Variants in CACNA1B observed in about 807,000 individuals in gnomAD.
The protein encoded by CACNA1B is calcium voltage-gated channel subunit alpha1 B, also known as voltage-dependent N-type calcium channel subunit alpha-1B.
CACNA1B carries 70 observed loss-of-function variants against 247.2 expected under a neutral mutation model. The observed-to-expected ratio is 0.28, with a 90% CI of 0.23 to 0.35. The LOEUF is 0.35. CACNA1B is among the 10% of genes least tolerant of loss of function. CACNA1B has a pLI of 1.00. For synonymous variants in CACNA1B, 1,231 were observed against 1,294.4 expected, an observed-to-expected ratio of 0.95 and a Z score of 1.05; for missense variants, 2,367 against 3,197.4, an observed-to-expected ratio of 0.74 and a Z score of 6.26.
chr9:138,106,642 G>A (rs1391799826), intron 39 of CACNA1B, among the ~76,000 whole-genome samples: 2 of 152,128 alleles, frequency 1.3e-5, no homozygotes, highest in Admixed American at 6.5e-5. Context: ...GTGGTGGCAC[G>A]TGCCTGTATT....
chr9:138,025,706 TG>T (rs1958912699), intron 20 of CACNA1B, among the ~76,000 whole-genome samples: 1 of 152,210 alleles, frequency 6.6e-6, no homozygotes, highest in Non-Finnish European at 1.5e-5. Context: ...CTCACTCACA[TG>T]CTCGGAACAG....
chr9:138,092,417 CT>C (rs1960909046), intron 36 of CACNA1B, among the ~76,000 whole-genome samples: 1 of 152,230 alleles, frequency 6.6e-6, no homozygotes, highest in African/African-American at 2.4e-5. Flanking sequence ...TATTCGCTTT[CT>C]GCAAGAAGAG....
chr9:137,952,447 TG>T lies in CACNA1B; in HGVS notation c.1070+71del, dbSNP rs1334414617. 3.9e-6 allele frequency: 5 copies of T among 1,297,460 alleles called. No homozygotes were observed. The highest frequency in any genetic ancestry group is 5.6e-6 in the Non-Finnish European group (5 of 896,488). 80.4% of individuals were successfully genotyped at this position (1,297,460 alleles called of 1,614,324 possible). A position where few individuals can be genotyped will look rare whatever the true frequency, so the allele number is the denominator to read the frequency against. On this transcript the variant is annotated intron_variant, in intron 7 of 46. Transcript: ENST00000371372. This position sits in a 1 kb window ranked among gnomAD's most constrained non-coding sequence, Gnocchi z 4.8. ...CAGCTGAGGGGTCAACAGGGGCACG[TG>T]TGACACTTGGGGTGGGGGCCTGGCC...
chr9:137,894,563 C>A (rs1424349393), intron 3 of CACNA1B, among the ~76,000 whole-genome samples: 1 of 152,028 alleles, frequency 6.6e-6, no homozygotes, highest in Non-Finnish European at 1.5e-5. Context: ...CGCCCGCCAC[C>A]ACGCCCGGCT....
rs573528452 is a variant in CACNA1B at position 138,039,416 on chromosome 9, A to G, written c.3287-4358A>G. On this transcript the variant is annotated intron_variant, in intron 20 of 46. Transcript: ENST00000371372. ...TTTCCTAATTATTTGCTTCTACTGC[A>G]TAGAAATAATAAGCAGTTTCGTCTG... is the stretch of plus-strand genomic sequence containing the variant. 2.2e-3 allele frequency among the ~76,000 whole-genome samples: 339 copies of G among 152,224 alleles called. 1 individual carries two copies. Among genetic ancestry groups the G allele is most frequent in the Non-Finnish European group, 3.7e-3 (249 of 68,020 alleles).
chr9:138,101,515 C>G (rs780652825), intron 37 of CACNA1B, among the ~76,000 whole-genome samples: 1 of 152,226 alleles, frequency 6.6e-6, no homozygotes, highest in Non-Finnish European at 1.5e-5. Context: ...TCCGAGCTCT[C>G]GAGAGTGAGC....
intron 31 of CACNA1B, among the ~76,000 whole-genome samples, chr9:138,062,184 A>G (rs903499621): frequency 2.0e-5 from 3 of 152,104 alleles, no homozygotes; most frequent in African/African-American, 7.2e-5. Flanking sequence ...TGTTATCCTC[A>G]GCACAGGCAA....
chr9:137,880,026 C>T lies in CACNA1B; in HGVS notation c.390+867C>T, dbSNP rs1329924571. Among the ~76,000 whole-genome samples the T allele has an allele frequency of 5.3e-5, 8 of 152,192 alleles. No homozygotes were observed. Among genetic ancestry groups the T allele is most frequent in the African/African-American group, 7.2e-5 (3 of 41,450 alleles). On this transcript the variant is annotated intron_variant, in intron 2 of 46. Coordinates refer to ENST00000371372, the MANE Select transcript of CACNA1B (RefSeq NM_000718.4). This position sits in a 1 kb window ranked among gnomAD's most constrained non-coding sequence, Gnocchi z 4.8. ...TGCGGGGCCAGAGGCGTCCAGGAGA[C>T]GGCCTCTCTGGGGTGTCAGGAGCTG...
chr9:137,898,783 GC>G (rs1957200075), intron 3 of CACNA1B, among the ~76,000 whole-genome samples: 1 of 151,140 alleles, frequency 6.6e-6, no homozygotes, highest in African/African-American at 2.4e-5. Flanking sequence ...CTGGGTTCAC[GC>G]CATTCTCCTG....
chr9:137,936,047 C>A (rs1050259727), intron 6 of CACNA1B, among the ~76,000 whole-genome samples: 1 of 152,160 alleles, frequency 6.6e-6, no homozygotes, highest in East Asian at 1.9e-4. Context: ...TTAGTAGAGA[C>A]GGGGTTTCAC....
chr9:137,919,595 G>A lies in CACNA1B; in HGVS notation c.966+2164G>A, dbSNP rs1957454210. Among the ~76,000 whole-genome samples the A allele has an allele frequency of 6.6e-6, 1 of 152,216 alleles. No homozygotes were observed. The highest frequency in any genetic ancestry group is 1.5e-5 in the Non-Finnish European group (1 of 68,036). ...GATCCTTTGGAGAGAGCGAGAGCCC[G>A]CCCCTCACCTCCAACCCAGTGAGAG... is the stretch of plus-strand genomic sequence containing the variant. On this transcript the variant is annotated intron_variant, in intron 6 of 46. Transcript: ENST00000371372. This position sits in a 1 kb window ranked among gnomAD's most constrained non-coding sequence, Gnocchi z 4.6.
intron 40 of CACNA1B, among the ~76,000 whole-genome samples, chr9:138,113,146 G>C (rs1168952620): frequency 6.7e-6 from 1 of 149,078 alleles, no homozygotes; most frequent in East Asian, 2.0e-4. Flanking sequence ...AGCACGGGGA[G>C]GTGCCCAACT....
chr9:137,988,201 A>C (rs924783359), intron 15 of CACNA1B, among the ~76,000 whole-genome samples: 7 of 152,244 alleles, frequency 4.6e-5, no homozygotes, highest in Non-Finnish European at 1.0e-4. Context: ...GGGAGGTCAC[A>C]GGCCTGGAGC....
chr9:137,938,078 A>G (rs375174431), intron 6 of CACNA1B, among the ~76,000 whole-genome samples: 23 of 152,072 alleles, frequency 1.5e-4, no homozygotes, highest in African/African-American at 5.3e-4. Context: ...CAGAAACACT[A>G]CAAGCTAGAA....
rs1248325248 is a variant in CACNA1B at position 137,882,358 on chromosome 9, C to T, written c.391-386C>T. ...TAAAGGAAAAACTACCTGATAAGCA[C>T]CCACAACTAGTACTGTTACATCACT... On this transcript the variant is annotated intron_variant, in intron 2 of 46. Coordinates refer to ENST00000371372, the MANE Select transcript of CACNA1B (RefSeq NM_000718.4). This position sits in a 1 kb window ranked among gnomAD's most constrained non-coding sequence, Gnocchi z 4.0. 6.6e-6 allele frequency among the ~76,000 whole-genome samples: 1 copy of T among 152,164 alleles called. No homozygotes were observed. Among genetic ancestry groups the T allele is most frequent in the Non-Finnish European group, 1.5e-5 (1 of 68,040 alleles).
In CACNA1B at chr9:137,919,907, G is replaced by A. The variant is rs1279241379; in HGVS notation, c.966+2476G>A. Among the ~76,000 whole-genome samples the A allele has an allele frequency of 6.6e-6, 1 of 152,202 alleles. No homozygotes were observed. The highest frequency in any genetic ancestry group is 1.5e-5 in the Non-Finnish European group (1 of 68,040). ...GTCTGTGCCTGGAAAAGCAGGCGGA[G>A]TCAAATGGAGCTTTGGGAGAACACA... On this transcript the variant is annotated intron_variant, in intron 6 of 46. Coordinates refer to ENST00000371372, the MANE Select transcript of CACNA1B (RefSeq NM_000718.4). The surrounding 1 kb of genome is among the most constrained non-coding windows in gnomAD (Gnocchi z 4.6).
In CACNA1B at chr9:138,052,249, C is replaced by CGTGTGTGAGTGTGT; in HGVS notation, c.3807+68_3807+69insAGTGTGTGTGTGTG. On this transcript the variant is annotated intron_variant, in intron 25 of 46. Coordinates refer to ENST00000371372, the MANE Select transcript of CACNA1B (RefSeq NM_000718.4). The surrounding 1 kb of genome is among the most constrained non-coding windows in gnomAD (Gnocchi z 5.1). ...GTGTGTGTGTGCGTGTGTGTGTGTG[C>CGTGTGTGAGTGTGT]GTGTGTGTGTGTGTATGCATGCAGT... is the stretch of plus-strand genomic sequence containing the variant. The CGTGTGTGAGTGTGT allele has an allele frequency of 1.3e-6, 1 of 779,168 alleles. No individual in the cohort carries two copies. Among genetic ancestry groups the CGTGTGTGAGTGTGT allele is most frequent in the Non-Finnish European group, 2.2e-6 (1 of 464,630 alleles). The allele number at this position is 779,168 out of a possible 1,614,324, so 48.3% of individuals were successfully genotyped here.
rs761640142 is a variant in CACNA1B at position 138,059,412 on chromosome 9, T to C, written c.4584+223T>C. The stretch of plus-strand genomic sequence containing the variant: ...TGGGAGGGAGGCAGGGCTGGGTTCT[T>C]CCTCTTTGGACACATGGCTCTTAGT... On this transcript the variant is annotated intron_variant, in intron 30 of 46. Coordinates refer to ENST00000371372, the MANE Select transcript of CACNA1B (RefSeq NM_000718.4). This position sits in a 1 kb window ranked among gnomAD's most constrained non-coding sequence, Gnocchi z 4.2. Among the ~76,000 whole-genome samples, 43 of 152,102 alleles carry C rather than the reference T, an allele frequency of 2.8e-4. No homozygotes were observed. Among genetic ancestry groups the C allele is most frequent in the Non-Finnish European group, 5.0e-4 (34 of 67,992 alleles).
intron 3 of CACNA1B, among the ~76,000 whole-genome samples, chr9:137,904,454 C>T (rs1957275141): frequency 6.7e-6 from 1 of 149,766 alleles, no homozygotes; most frequent in South Asian, 2.1e-4. Context: ...GCAGCCTCAA[C>T]CTCCTGGGCT....
Sources: allele counts gnomAD v4.1 joint callset (sites outside exome capture counted in the v4.1 genomes callset), GRCh38; gene constraint gnomAD v4.1.1; non-coding constraint Gnocchi (gnomAD v3.1); transcripts MANE v1.5; gene names NCBI Gene and HGNC (gene_info 2026-07-23, HGNC 2026-07-21).